The following LRRC37A2 variants were observed in gnomAD, a reference collection of about 807,000 sequenced individuals.
The protein encoded by LRRC37A2 is leucine rich repeat containing 37 member A2, also known as leucine-rich repeat-containing protein 37A2.
In LRRC37A2, 9 loss-of-function variants were observed where a neutral mutation model predicts 68.8. The ratio of observed to expected loss-of-function variants is 0.13; its 90% CI spans 0.08 to 0.23. The LOEUF is 0.23. LRRC37A2 is among the 10% of genes least tolerant of loss of function. LRRC37A2 has a pLI of 1.00. For synonymous variants in LRRC37A2, 63 were observed against 367.6 expected (o/e 0.17, Z 9.48); for missense variants, 168 against 950.4 (o/e 0.18, Z 10.82).
At chr17:46,772,199 G>A in the LRRC37A2 span, among the ~76,000 whole-genome samples, 1 of 152,152 alleles carries the variant, frequency 6.6e-6, no homozygotes, top group African/African-American at 2.4e-5. Context: ...GGCGTCTTCC[G>A]GGATGCTCTC....
At chr17:46,931,161 A>G in the LRRC37A2 span, 40 of 1,611,502 alleles carry the variant, frequency 2.5e-5, no homozygotes, top group Non-Finnish European at 3.3e-5. Context: ...ACGTCTGGAG[A>G]TTTTGTCCAG....
At chr17:46,441,930 A>G in the LRRC37A2 span, among the ~76,000 whole-genome samples, 1 of 79,120 alleles carries the variant, frequency 1.3e-5, no homozygotes. Flanking sequence ...ACCTCATAAC[A>G]TCTAGAAAGC....
chr17:46,976,913 A>G, the LRRC37A2 span, among the ~76,000 whole-genome samples: 2 of 152,184 alleles, frequency 1.3e-5, no homozygotes, highest in African/African-American at 4.8e-5. Flanking sequence ...AACCATCAAC[A>G]GAACATTCTC....
At chr17:46,814,318 GTAT>G in the LRRC37A2 span, among the ~76,000 whole-genome samples, 6 of 152,218 alleles carry the variant, frequency 3.9e-5, no homozygotes, top group South Asian at 2.1e-4. Flanking sequence ...CAGGCTCTTG[GTAT>G]TATTATAACG....
chr17:46,940,013 G>C, the LRRC37A2 span: 1 of 1,034,916 alleles, frequency 9.7e-7, no homozygotes, highest in South Asian at 3.8e-5. Flanking sequence ...AACCGGCTCA[G>C]TATTAACCCT....
At chr17:46,994,637 C>T in the LRRC37A2 span, among the ~76,000 whole-genome samples, 1 of 152,028 alleles carries the variant, frequency 6.6e-6, no homozygotes, top group Non-Finnish European at 1.5e-5. Context: ...TGTCATCAGC[C>T]ACATCACTGC....
chr17:46,930,852 A>AC, the LRRC37A2 span: 1 of 454,208 alleles, frequency 2.2e-6, no homozygotes, highest in Non-Finnish European at 3.9e-6. Context: ...CTACAGATTT[A>AC]CCTTCAGCTT....
At chr17:46,914,048 C>T in the LRRC37A2 span, among the ~76,000 whole-genome samples, 3 of 152,006 alleles carry the variant, frequency 2.0e-5, no homozygotes, top group Non-Finnish European at 2.9e-5. Context: ...TGTGAGCCAC[C>T]GCACCCAGCC....
the LRRC37A2 span, among the ~76,000 whole-genome samples, chr17:46,823,198 T>TTATA: frequency 9.1e-6 from 1 of 109,356 alleles, no homozygotes; most frequent in Non-Finnish European, 1.7e-5. Context: ...TTATATATAT[T>TTATA]TATATATAAT....
At chr17:46,715,878 C>G in the LRRC37A2 span, among the ~76,000 whole-genome samples, 1 of 152,192 alleles carries the variant, frequency 6.6e-6, no homozygotes, top group East Asian at 1.9e-4. Flanking sequence ...CAAGCTTATT[C>G]AAAATTGTTT....
At chr17:46,854,722 A>T in the LRRC37A2 span, among the ~76,000 whole-genome samples, 2 of 151,930 alleles carry the variant, frequency 1.3e-5, no homozygotes, top group Admixed American at 1.3e-4. Context: ...GTGCAGTGTC[A>T]TGATCTCGGC....
At chr17:47,038,237 G>A in the LRRC37A2 span, among the ~76,000 whole-genome samples, 1 of 152,196 alleles carries the variant, frequency 6.6e-6, no homozygotes, top group Non-Finnish European at 1.5e-5. Flanking sequence ...GGAGATCAGG[G>A]CTGCAGTGAG....
the LRRC37A2 span, among the ~76,000 whole-genome samples, chr17:47,022,148 G>A: frequency 2.0e-5 from 2 of 102,392 alleles, no homozygotes; most frequent in African/African-American, 6.7e-5. Context: ...ATAATACATG[G>A]TTATATTCCT....
the LRRC37A2 span, among the ~76,000 whole-genome samples, chr17:46,718,299 C>T: frequency 6.6e-6 from 1 of 152,116 alleles, no homozygotes; most frequent in African/African-American, 2.4e-5. Flanking sequence ...ACTGGCCATG[C>T]CGGGCCAGCC....
chr17:46,398,128 A>C, the LRRC37A2 span, among the ~76,000 whole-genome samples: 17 of 36,500 alleles, frequency 4.7e-4, no homozygotes, highest in South Asian at 9.9e-3. Flanking sequence ...TTGCCTCACA[A>C]AAAAAAAAAA....
chr17:46,721,770 A>C, the LRRC37A2 span: 1 of 1,603,062 alleles, frequency 6.2e-7, no homozygotes, highest in Non-Finnish European at 8.5e-7. Context: ...GGGAAGACCA[A>C]GTCCTCAAGG....
At chr17:46,672,251 CTT>C in the LRRC37A2 span, among the ~76,000 whole-genome samples, 26 of 8,376 alleles carry the variant, frequency 3.1e-3, 1 homozygote, top group African/African-American at 0.012. Flanking sequence ...GAGGTGAAGT[CTT>C]TTTTTTTTTT....
the LRRC37A2 span, chr17:46,755,185 AGGTAACACATT>A: frequency 1.5e-6 from 1 of 680,956 alleles, no homozygotes; most frequent in Admixed American, 2.3e-5. Context: ...GTCAAGGAGC[AGGTAACACATT>A]CAGTGACCTA....
At chr17:46,739,800 G>A in the LRRC37A2 span, among the ~76,000 whole-genome samples, 212 of 151,894 alleles carry the variant, frequency 1.4e-3, no homozygotes, top group Middle Eastern at 3.4e-3. Flanking sequence ...CCGGGTTCAA[G>A]CAATTCTCAT....
Sources: gnomAD v4.1 joint callset for allele counts (sites outside exome capture counted in the v4.1 genomes callset) on GRCh38, gnomAD v4.1.1 for gene constraint, MANE v1.5 for transcripts, NCBI Gene and HGNC (gene_info 2026-07-23, HGNC 2026-07-21) for gene names.